JAM3: variants seen among roughly 807,000 people sequenced by gnomAD.
JAM3 encodes the protein junctional adhesion molecule 3, also known as junctional adhesion molecule C.
A neutral mutation model predicts 39.4 loss-of-function variants in JAM3; 31 were observed. That is an observed-to-expected ratio of 0.79 (90% CI 0.59 to 1.06). JAM3 has a LOEUF of 1.06. Ranked by LOEUF, JAM3 falls within the 50% of genes least tolerant of loss-of-function variation. The pLI is 0.00. For synonymous variants in JAM3, 182 were observed against 148.7 expected, an observed-to-expected ratio of 1.22 and a Z score of -1.63; for missense variants, 455 against 391.4, an observed-to-expected ratio of 1.16 and a Z score of -1.37.
chr11:134,131,851 G>A (rs1178863242), intron 1 of JAM3, among the ~76,000 whole-genome samples: 2 of 152,060 alleles, frequency 1.3e-5, no homozygotes, highest in Non-Finnish European at 2.9e-5. Context: ...ATAGAAGAAA[G>A]AACTAGCAAA....
intron 6 of JAM3, chr11:134,148,224 A>G (rs1332732436): frequency 2.6e-6 from 1 of 384,474 alleles, no homozygotes; most frequent in Admixed American, 4.1e-5. Flanking sequence ...CCTCATAACC[A>G]TTTCCTCCAT....
rs28775869 is a variant in JAM3, at chr11:134,107,092, T to A, written c.77-32759T>A. 1.8e-4 allele frequency among the ~76,000 whole-genome samples: 28 copies of A among 152,130 alleles called. 1 individual carries two copies. The East Asian group carries it at 1.9e-3, about 10-fold the overall frequency. ...GACCTGGAACCAACCCAAATGTCCA[T>A]CAATGATAGACTGGATTAAGAAAAT... On this transcript the variant is annotated intron_variant, in intron 1 of 8. Coordinates refer to ENST00000299106, the MANE Select transcript of JAM3 (RefSeq NM_032801.5).
chr11:134,097,218 C>T (rs1941999700), intron 1 of JAM3, among the ~76,000 whole-genome samples: 1 of 152,208 alleles, frequency 6.6e-6, no homozygotes, highest in South Asian at 2.1e-4. Context: ...CCATCCTCTT[C>T]CCTCAATAGT....
At chr11:134,127,053 A>G (rs1364378050) in intron 1 of JAM3, among the ~76,000 whole-genome samples, 3 of 152,254 alleles carry the variant, frequency 2.0e-5, no homozygotes, top group Non-Finnish European at 2.9e-5. Flanking sequence ...AAGCATGCAC[A>G]CAATAAAAAC....
chr11:134,120,655 C>G (rs1015142921), intron 1 of JAM3, among the ~76,000 whole-genome samples: 1 of 152,168 alleles, frequency 6.6e-6, no homozygotes, highest in Non-Finnish European at 1.5e-5. Flanking sequence ...CGATGAGTTT[C>G]ACTACCACAA....
intron 1 of JAM3, among the ~76,000 whole-genome samples, chr11:134,113,808 A>G (rs1053248356): frequency 1.3e-5 from 2 of 152,238 alleles, no homozygotes; most frequent in African/African-American, 4.8e-5. Context: ...CAGTCCCACC[A>G]ACAGTGTAAA....
chr11:134,112,957 C>A (rs749440145), intron 1 of JAM3, among the ~76,000 whole-genome samples: 1 of 152,134 alleles, frequency 6.6e-6, no homozygotes, highest in East Asian at 1.9e-4. Flanking sequence ...TGGGCTAGGG[C>A]CTGGAGTGGG....
chr11:134,107,223 A>C (rs926532414), intron 1 of JAM3, among the ~76,000 whole-genome samples: 1 of 152,198 alleles, frequency 6.6e-6, no homozygotes, highest in African/African-American at 2.4e-5. Flanking sequence ...TCAGCAAACT[A>C]TCGCAAGGAC....
intron 8 of JAM3, 113 bp downstream of exon 8, chr11:134,148,931 T>C: frequency 9.2e-7 from 1 of 1,085,980 alleles, no homozygotes; most frequent in Non-Finnish European, 1.4e-6. Context: ...GTGCAGCTCC[T>C]GAGCTCCTCA....
At position 134,086,807 on chromosome 11, in the gene JAM3, TTTG is replaced by T. The variant is rs1286165221; in HGVS notation, c.76+17663_76+17665del. 1.6e-4 allele frequency among the ~76,000 whole-genome samples: 25 copies of T among 152,076 alleles called. 1 individual carries two copies. Among genetic ancestry groups the T allele is most frequent in the African/African-American group, 3.1e-4 (13 of 41,492 alleles). ...TTTAAAAAGTGTGTGAGTGGTTTTT[TTTG>T]TTGTTGTTGTTGTTTTGTTTTTTGA... On this transcript the variant is annotated intron_variant, in intron 1 of 8. Transcript: ENST00000299106.
chr11:134,120,257 G>A (rs1260254347), intron 1 of JAM3, among the ~76,000 whole-genome samples: 2 of 152,236 alleles, frequency 1.3e-5, no homozygotes, highest in African/African-American at 4.8e-5. Context: ...GAGCCTCAGC[G>A]GCTAGTGCAG....
At chr11:134,107,771 G>T (rs1295959587) in intron 1 of JAM3, among the ~76,000 whole-genome samples, 1 of 152,066 alleles carries the variant, frequency 6.6e-6, no homozygotes, top group Non-Finnish European at 1.5e-5. Flanking sequence ...ATCGGGGCAG[G>T]AGAATTGCTT....
At chr11:134,100,747 G>A (rs910209640) in intron 1 of JAM3, among the ~76,000 whole-genome samples, 3 of 152,122 alleles carry the variant, frequency 2.0e-5, no homozygotes, top group African/African-American at 4.8e-5. Flanking sequence ...TATCCCCATC[G>A]TATGGATGAG....
chr11:134,097,370 C>T, intron 1 of JAM3, among the ~76,000 whole-genome samples: 1 of 152,202 alleles, frequency 6.6e-6, no homozygotes, highest in Non-Finnish European at 1.5e-5. Flanking sequence ...TTAATCCCAG[C>T]TGGCCACTCT....
At position 134,148,757 on chromosome 11, in the gene JAM3, C is replaced by G. The variant is rs371851115; in HGVS notation, c.843-7C>G. 2.5e-6 allele frequency: 4 copies of G among 1,613,930 alleles called. No homozygotes were observed. Among genetic ancestry groups the G allele is most frequent in the South Asian group, 1.1e-5 (1 of 91,068 alleles). ...CCTGTTGCTAAACTGCTCTCTTCTC[C>G]TCATAGTTACAAGAACCCAGGGAAA... On this transcript the variant is annotated splice_region_variant and splice_polypyrimidine_tract_variant and intron_variant, in intron 7 of 8. Transcript: ENST00000299106.
At chr11:134,107,438 A>T (rs1246284055) in intron 1 of JAM3, among the ~76,000 whole-genome samples, 2 of 152,150 alleles carry the variant, frequency 1.3e-5, no homozygotes, top group Non-Finnish European at 2.9e-5. Context: ...ATGTGTAACA[A>T]ACCTGCACGT....
chr11:134,149,211 G>A lies in JAM3; in HGVS notation c.*30G>A. 6.2e-7 allele frequency: 1 copy of A among 1,613,888 alleles called. No individual in the cohort carries two copies. Among genetic ancestry groups the A allele is most frequent in the Non-Finnish European group, 8.5e-7 (1 of 1,179,798 alleles). ...CGCGGTGTGGCTGAGAGCGCACAGAGCGCACGTGCACATACCTCTGCTAGA... is the reference window on the plus strand; with the variant it reads ...CGCGGTGTGGCTGAGAGCGCACAGAACGCACGTGCACATACCTCTGCTAGA... On this transcript the variant is annotated 3_prime_UTR_variant, in exon 9 of 9. Coordinates refer to ENST00000299106, the MANE Select transcript of JAM3 (RefSeq NM_032801.5).
chr11:134,113,559 A>G (rs558492116), intron 1 of JAM3, among the ~76,000 whole-genome samples: 5 of 152,202 alleles, frequency 3.3e-5, no homozygotes, highest in African/African-American at 4.8e-5. Context: ...TCCATGGTGT[A>G]TATGTGCCAC....
At chr11:134,108,830 A>G (rs1246604741) in intron 1 of JAM3, among the ~76,000 whole-genome samples, 1 of 152,214 alleles carries the variant, frequency 6.6e-6, no homozygotes, top group East Asian at 1.9e-4. Flanking sequence ...CAATAAACCA[A>G]AAGCTGGTTC....
Sources: allele counts gnomAD v4.1 joint callset (sites outside exome capture counted in the v4.1 genomes callset), GRCh38; gene constraint gnomAD v4.1.1; transcripts MANE v1.5; gene names NCBI Gene and HGNC (gene_info 2026-07-23, HGNC 2026-07-21).